AMZ2: variants seen among roughly 807,000 people sequenced by gnomAD.
The protein encoded by AMZ2 is archaelysin family metallopeptidase 2, also known as archaemetzincin-2.
AMZ2 carries 26 observed loss-of-function variants against 36.7 expected under a neutral mutation model. The observed-to-expected ratio is 0.71, with a 90% CI of 0.52 to 0.98. AMZ2 has a LOEUF of 0.98. Among genes scored for constraint, AMZ2 ranks in the 50% least tolerant of loss-of-function variants. AMZ2 has a pLI of 0.00. For missense variants in AMZ2, 394 were observed against 430.5 expected (o/e 0.92, Z 0.75); for synonymous variants, 144 against 149.1 (o/e 0.97, Z 0.25).
At chr17:68,206,787 T>C (rs1184522742) in intron 1 of AMZ2, 3 of 152,220 alleles carry the variant, frequency 2.0e-5, no homozygotes, top group African/African-American at 7.2e-5. Flanking sequence ...GGTTTTAAAA[T>C]TGTGTTAAGG....
chr17:68,245,273 ACT>A (rs1261972518), upstream of AMZ2, among the ~76,000 whole-genome samples: 2 of 151,086 alleles, frequency 1.3e-5, no homozygotes, highest in Non-Finnish European at 2.9e-5. Flanking sequence ...ACAGGGTCTC[ACT>A]CTGTTGCCCA....
At chr17:68,222,247 C>G (rs558448461) in intron 1 of AMZ2, among the ~76,000 whole-genome samples, 277 of 152,324 alleles carry the variant, frequency 1.8e-3, no homozygotes, top group African/African-American at 6.4e-3. Flanking sequence ...GGGACATGCT[C>G]AGTCTGAGGT....
intron 1 of AMZ2, among the ~76,000 whole-genome samples, chr17:68,219,013 T>C (rs2144529108): frequency 6.6e-6 from 1 of 152,264 alleles, no homozygotes; most frequent in South Asian, 2.1e-4. Flanking sequence ...TTTTTTGAGA[T>C]GGAGTCTCAC....
Position 68,234,220 on chromosome 17 carries a change from G to A in AMZ2, c.-66-14420G>A, listed in dbSNP as rs1424925711. 5.3e-5 allele frequency among the ~76,000 whole-genome samples: 8 copies of A among 151,362 alleles called. No individual in the cohort carries two copies. In the East Asian group the frequency reaches 1.4e-3, roughly 26 times the overall value. ...GTGGCACACTTTGGGAGGCTGAGGCGGGTGGATCACTGGAGTCCAGGAGCT... is the reference window on the plus strand; with the variant it reads ...GTGGCACACTTTGGGAGGCTGAGGCAGGTGGATCACTGGAGTCCAGGAGCT... On this transcript the variant is annotated intron_variant, in intron 1 of 7. Coordinates refer to the AMZ2 transcript ENST00000674770.
In AMZ2 at chr17:68,248,144, G is replaced by A. The variant is rs1165919596; in HGVS notation, c.-562G>A. On this transcript the variant is annotated 5_prime_UTR_variant, in exon 1 of 7. Transcript: ENST00000359904. ...GGTTCGCGGGTGCTGTCAGAGCTGGGCCGGGGCCCCTAGGCAGGGTAGCCG... is the reference window on the plus strand; with the variant it reads ...GGTTCGCGGGTGCTGTCAGAGCTGGACCGGGGCCCCTAGGCAGGGTAGCCG... The A allele has an allele frequency of 1.4e-5, 14 of 986,480 alleles. No homozygotes were observed. Among genetic ancestry groups the A allele is most frequent in the Non-Finnish European group, 1.7e-5 (14 of 830,758 alleles). The allele number at this position is 986,480 out of a possible 1,614,324, so 61.1% of individuals were successfully genotyped here.
chr17:68,209,158 A>G (rs1403118545), intron 1 of AMZ2, among the ~76,000 whole-genome samples: 6 of 152,214 alleles, frequency 3.9e-5, no homozygotes, highest in Non-Finnish European at 7.4e-5. Context: ...TATATGTAGA[A>G]AGGACTACAT....
chr17:68,207,318 C>CCCCCCCA (rs1555724656), intron 1 of AMZ2: 1 of 138,618 alleles, frequency 7.2e-6, no homozygotes, highest in Non-Finnish European at 1.6e-5. Context: ...TAAATACCCC[C>CCCCCCCA]CCCCCACAAA....
At chr17:68,218,502 T>C (rs2144526727) in intron 1 of AMZ2, among the ~76,000 whole-genome samples, 1 of 152,366 alleles carries the variant, frequency 6.6e-6, no homozygotes, top group African/African-American at 2.4e-5. Flanking sequence ...AAGCAGCATT[T>C]AAAATCAATC....
intron 1 of AMZ2, 135 bp from the exon 2 acceptor site, chr17:68,250,053 A>G: frequency 2.1e-6 from 2 of 935,296 alleles, no homozygotes; most frequent in East Asian, 2.6e-5. Flanking sequence ...AACCACTCTA[A>G]GTGTGACCAC....
intron 1 of AMZ2, among the ~76,000 whole-genome samples, chr17:68,236,836 T>C (rs1555732700): frequency 6.6e-6 from 1 of 152,164 alleles, no homozygotes; most frequent in Non-Finnish European, 1.5e-5. Context: ...CACCTTGGCC[T>C]CCCAAAGTGT....
chr17:68,239,550 TGGGTTA>T (rs1470080955), intron 1 of AMZ2, among the ~76,000 whole-genome samples: 1 of 152,170 alleles, frequency 6.6e-6, no homozygotes, highest in Non-Finnish European at 1.5e-5. Flanking sequence ...TGTGGCAGTA[TGGGTTA>T]GGGATGAACA....
intron 1 of AMZ2, among the ~76,000 whole-genome samples, chr17:68,240,012 A>G (rs1555733677): frequency 6.6e-6 from 1 of 152,246 alleles, no homozygotes; most frequent in Admixed American, 6.5e-5. Flanking sequence ...TTGGGATGCT[A>G]TAAGAAAATA....
At chr17:68,247,839 G>C, upstream of AMZ2, 1 of 985,524 alleles carries the variant, frequency 1.0e-6, no homozygotes, top group Non-Finnish European at 1.2e-6. Flanking sequence ...GACAGCTGGG[G>C]CTTGTAGTCC....
At chr17:68,239,861 G>T (rs1309219448) in intron 1 of AMZ2, among the ~76,000 whole-genome samples, 1 of 152,142 alleles carries the variant, frequency 6.6e-6, no homozygotes, top group Non-Finnish European at 1.5e-5. Flanking sequence ...ACCAGATGTT[G>T]ATGGAAAGTT....
chr17:68,225,045 A>C (rs1484802385), intron 1 of AMZ2, among the ~76,000 whole-genome samples: 1 of 151,382 alleles, frequency 6.6e-6, no homozygotes, highest in East Asian at 1.9e-4. Context: ...CACAAAAATT[A>C]GCTGGGCATG....
At chr17:68,243,142 A>AT (rs34318289), upstream of AMZ2, among the ~76,000 whole-genome samples, 32,466 of 146,950 alleles carry the variant, frequency 0.22, 3,918 homozygotes, top group East Asian at 0.4. Context: ...TTGAGAAATG[A>AT]TTTTTTTTTT....
At chr17:68,229,784 C>A (rs1461892345) in intron 1 of AMZ2, among the ~76,000 whole-genome samples, 14 of 152,232 alleles carry the variant, frequency 9.2e-5, no homozygotes, top group African/African-American at 2.9e-4. Context: ...GGCTTCACCA[C>A]CCCCATGTCA....
At chr17:68,206,711 G>A (rs538346826) in intron 1 of AMZ2, 1 of 152,338 alleles carries the variant, frequency 6.6e-6, no homozygotes, top group East Asian at 1.9e-4. Flanking sequence ...AGGGAATTAA[G>A]GGTTTGGACA....
intron 1 of AMZ2, among the ~76,000 whole-genome samples, chr17:68,211,905 T>C (rs1316667517): frequency 6.6e-6 from 1 of 150,790 alleles, no homozygotes; most frequent in Non-Finnish European, 1.5e-5. Context: ...GAGTCTTTTT[T>C]AATCAGTTCC....
Sources: gnomAD v4.1 joint callset for allele counts (sites outside exome capture counted in the v4.1 genomes callset) on GRCh38, gnomAD v4.1.1 for gene constraint, MANE v1.5 for transcripts, NCBI Gene and HGNC (gene_info 2026-07-23, HGNC 2026-07-21) for gene names.